The following MLLT3 variants were observed in gnomAD, a reference collection of about 807,000 sequenced individuals.
MLLT3 encodes protein AF-9.
In MLLT3, 4 loss-of-function variants were observed where a neutral mutation model predicts 53.2. The ratio of observed to expected loss-of-function variants is 0.08; its 90% CI spans 0.04 to 0.17. The LOEUF is 0.17. MLLT3 is among the 10% of genes least tolerant of loss of function. MLLT3 has a pLI of 1.00. For synonymous variants in MLLT3, 283 were observed against 230.6 expected (o/e 1.23, Z -2.06); for missense variants, 569 against 684.0 (o/e 0.83, Z 1.87).
chr9:20,401,814 T>C (rs534385612), intron 5 of MLLT3, among the ~76,000 whole-genome samples: 85 of 152,266 alleles, frequency 5.6e-4, no homozygotes, highest in Non-Finnish European at 9.6e-4. Context: ...TATAATAAAA[T>C]AAACATTCTG....
chr9:20,531,454 C>G (rs934047252), intron 2 of MLLT3, among the ~76,000 whole-genome samples: 2 of 152,086 alleles, frequency 1.3e-5, no homozygotes, highest in African/African-American at 4.8e-5. Context: ...ACTTTATATT[C>G]ACCTATTTTT....
intron 2 of MLLT3, among the ~76,000 whole-genome samples, chr9:20,553,801 T>C (rs1483149224): frequency 6.6e-6 from 1 of 152,038 alleles, no homozygotes; most frequent in Non-Finnish European, 1.5e-5. Context: ...GAAACTTTCC[T>C]TGCCTGTACA....
chr9:20,366,029 C>T (rs192273500), intron 5 of MLLT3, among the ~76,000 whole-genome samples: 87 of 152,272 alleles, frequency 5.7e-4, no homozygotes, highest in African/African-American at 2.1e-3. Context: ...ATACAGGTCT[C>T]CCTCTTTTCA....
intron 5 of MLLT3, among the ~76,000 whole-genome samples, chr9:20,391,125 C>A (rs1158857328): frequency 6.6e-6 from 1 of 152,096 alleles, no homozygotes; most frequent in African/African-American, 2.4e-5. Flanking sequence ...CAACGGTTTG[C>A]TAGGTGATTT....
Position 20,413,789 on chromosome 9 carries a change from G to A in MLLT3, c.1057C>T (p.Pro353Ser). The A allele has an allele frequency of 1.2e-6, 2 of 1,613,818 alleles. No individual in the cohort carries two copies. Reference protein sequence around the residue: ...ETSEKKKSTLPPFDDIVDPND... With the variant: ...ETSEKKKSTLSPFDDIVDPND... ...GGATCCACAATATCATCAAATGGCG[G>A]TAACGTTGATTTCTTCTTCTCTGAT... Residue 353 changes from proline to serine, a missense_variant, in exon 5 of 11, where the codon CCG becomes TCG. Pro to Ser is a moderately conservative substitution (Grantham distance 74, BLOSUM62 -1). Coordinates refer to ENST00000380338, the MANE Select transcript of MLLT3 (RefSeq NM_004529.4).
At chr9:20,558,377 C>A (rs1819115873) in intron 2 of MLLT3, among the ~76,000 whole-genome samples, 1 of 152,064 alleles carries the variant, frequency 6.6e-6, no homozygotes, top group African/African-American at 2.4e-5. Flanking sequence ...AAGTGATCTG[C>A]CTGCCTGCCT....
chr9:20,582,473 T>C (rs1819818714), intron 2 of MLLT3, among the ~76,000 whole-genome samples: 2 of 152,194 alleles, frequency 1.3e-5, no homozygotes, highest in African/African-American at 4.8e-5. Context: ...CAGAATGTTA[T>C]AAAATTGAAG....
At chr9:20,427,087 C>A (rs538744967) in intron 4 of MLLT3, among the ~76,000 whole-genome samples, 1 of 151,850 alleles carries the variant, frequency 6.6e-6, no homozygotes, top group Non-Finnish European at 1.5e-5. Context: ...TACGAATTCG[C>A]GATTTAAAAA....
chr9:20,589,689 C>A (rs1820076705), intron 2 of MLLT3, among the ~76,000 whole-genome samples: 2 of 144,384 alleles, frequency 1.4e-5, no homozygotes, highest in East Asian at 2.0e-4. Flanking sequence ...GCAATAGTAT[C>A]CCAGCCCATG....
At chr9:20,563,194 CAT>C (rs1443186448) in intron 2 of MLLT3, among the ~76,000 whole-genome samples, 1 of 152,098 alleles carries the variant, frequency 6.6e-6, no homozygotes, top group African/African-American at 2.4e-5. Context: ...ATCTTTAAAA[CAT>C]ATGGATTACA....
intron 5 of MLLT3, among the ~76,000 whole-genome samples, chr9:20,381,739 T>A (rs1821913445): frequency 6.6e-6 from 1 of 151,944 alleles, no homozygotes. Context: ...TCTGGTAAGT[T>A]AAATCTTGCA....
intron 8 of MLLT3, among the ~76,000 whole-genome samples, 190 bp from the exon 9 acceptor site, chr9:20,355,069 G>C (rs1031832700): frequency 1.7e-4 from 23 of 132,014 alleles, no homozygotes; most frequent in African/African-American, 5.2e-4. Context: ...ACTTAGATCT[G>C]AAATGCTGAG....
At chr9:20,613,555 G>C (rs1353554387) in intron 2 of MLLT3, among the ~76,000 whole-genome samples, 4 of 149,880 alleles carry the variant, frequency 2.7e-5, no homozygotes, top group Non-Finnish European at 4.4e-5. Context: ...GGATTTGAAT[G>C]TTTGTTATAT....
chr9:20,552,056 C>T (rs563557223), intron 2 of MLLT3, among the ~76,000 whole-genome samples: 4 of 152,278 alleles, frequency 2.6e-5, no homozygotes, highest in East Asian at 3.9e-4. Flanking sequence ...TTATGGATTA[C>T]TTATTTCTCA....
At chr9:20,359,145 CAAAAAAAAA>C (rs920197622) in intron 8 of MLLT3, among the ~76,000 whole-genome samples, 4 of 20,964 alleles carry the variant, frequency 1.9e-4, no homozygotes, top group African/African-American at 4.8e-4. Context: ...AACTCCATCT[CAAAAAAAAA>C]AAAAAAAAAA....
In MLLT3 at chr9:20,448,050, T is replaced by A; in HGVS notation, c.420+73A>T. The stretch of plus-strand genomic sequence containing the variant: ...TTATACTTTTTAACACATGAGGAAC[T>A]AGTTTGTTTGTTTTTTTTTTTGTTG... On this transcript the variant is annotated intron_variant, in intron 4 of 10. Transcript: ENST00000380338. This position sits in a 1 kb window ranked among gnomAD's most constrained non-coding sequence, Gnocchi z 4.0. 6.7e-7 allele frequency: 1 copy of A among 1,493,868 alleles called. No individual in the cohort carries two copies. Among genetic ancestry groups the A allele is most frequent in the Non-Finnish European group, 9.1e-7 (1 of 1,103,690 alleles). 92.5% of individuals were successfully genotyped at this position (1,493,868 alleles called of 1,614,324 possible). A position where few individuals can be genotyped will look rare whatever the true frequency, so the allele number is the denominator to read the frequency against.
At chr9:20,598,775 A>G (rs1014845770) in intron 2 of MLLT3, among the ~76,000 whole-genome samples, 4 of 152,256 alleles carry the variant, frequency 2.6e-5, no homozygotes, top group Non-Finnish European at 5.9e-5. Context: ...AAGGTGATTC[A>G]CTCAAAAGCT....
rs1340077565 is a variant in MLLT3 at position 20,341,838 on chromosome 9, G to T, written c.*4605C>A. 2 of 205,496 alleles carry T rather than the reference G, an allele frequency of 9.7e-6. No homozygotes were observed. The highest frequency in any genetic ancestry group is 1.5e-4 in the East Asian group (2 of 13,480). 12.7% of individuals were successfully genotyped at this position (205,496 alleles called of 1,614,324 possible). A position where few individuals can be genotyped will look rare whatever the true frequency, so the allele number is the denominator to read the frequency against. The stretch of plus-strand genomic sequence containing the variant: ...TGAACAAAACCCTCCAAAGAAATAG[G>T]GGGGAAAGAAAAAATACCGGGCACA... On this transcript the variant is annotated 3_prime_UTR_variant, in exon 11 of 11. Transcript: ENST00000380338.
intron 2 of MLLT3, among the ~76,000 whole-genome samples, chr9:20,559,735 C>T (rs771962467): frequency 1.2e-4 from 19 of 152,046 alleles, no homozygotes; most frequent in Non-Finnish European, 2.6e-4. Context: ...ATGTTGTGTA[C>T]CTGTTATCAC....
Sources: allele counts gnomAD v4.1 joint callset (sites outside exome capture counted in the v4.1 genomes callset), GRCh38; gene constraint gnomAD v4.1.1; non-coding constraint Gnocchi (gnomAD v3.1); transcripts MANE v1.5; gene names NCBI Gene and HGNC (gene_info 2026-07-23, HGNC 2026-07-21).